Variants in PLA2G4E observed in about 807,000 individuals in gnomAD.
PLA2G4E encodes cytosolic phospholipase A2 epsilon.
Under a neutral mutation model 109.1 loss-of-function variants are expected in PLA2G4E, and 84 were observed. That is an observed-to-expected ratio of 0.77 (90% confidence interval 0.65 to 0.92). PLA2G4E has a LOEUF of 0.92. PLA2G4E is among the 40% of genes least tolerant of loss of function. The pLI, the probability that PLA2G4E is intolerant of heterozygous loss-of-function variation, is 0.00. For missense variants in PLA2G4E, 1,057 were observed against 1,076.6 expected (o/e 0.98, Z 0.25); for synonymous variants, 469 against 436.1 (o/e 1.08, Z -0.94).
chr15:42,005,975 G>A lies in PLA2G4E; in HGVS notation c.525+15C>T, dbSNP rs746939379. 1.1e-5 allele frequency: 18 copies of A among 1,613,098 alleles called. No individual in the cohort carries two copies. Among genetic ancestry groups the A allele is most frequent in the East Asian group, 2.2e-5 (1 of 44,874 alleles). ...TCATGAAGCCGGAGTCTGAGGGCCT[G>A]TACCCTGCACCCACCTGCGGGTTGA... is the stretch of plus-strand genomic sequence containing the variant. On this transcript the variant is annotated intron_variant, in intron 4 of 19. Transcript: ENST00000399518.
intron 1 of PLA2G4E, among the ~76,000 whole-genome samples, chr15:42,035,162 G>T (rs1281905545): frequency 6.6e-6 from 1 of 152,224 alleles, no homozygotes. Context: ...TCCGAATCGT[G>T]GGGGAAGAGA....
chr15:42,004,434 A>C (rs377462240), intron 5 of PLA2G4E, among the ~76,000 whole-genome samples: 1 of 131,718 alleles, frequency 7.6e-6, no homozygotes, highest in Non-Finnish European at 1.7e-5. Context: ...GGCAGGCAAG[A>C]AAGAAGATTG....
intron 1 of PLA2G4E, among the ~76,000 whole-genome samples, chr15:42,027,382 G>T (rs775506505): frequency 6.6e-6 from 1 of 152,330 alleles, no homozygotes; most frequent in Non-Finnish European, 1.5e-5. Flanking sequence ...CCAGGGACCA[G>T]TGAGGATATT....
At chr15:42,050,504 C>G (rs1399659771) in intron 1 of PLA2G4E, 8 of 1,545,774 alleles carry the variant, frequency 5.2e-6, no homozygotes, top group Admixed American at 2.0e-5. Context: ...ACCCCCCTCC[C>G]AGGAACACAG....
At chr15:41,985,767 G>A (rs1196055668) in intron 18 of PLA2G4E, 72 bp downstream of exon 18, 35 of 1,507,138 alleles carry the variant, frequency 2.3e-5, no homozygotes, top group Non-Finnish European at 3.1e-5. Flanking sequence ...CACAGCGAGT[G>A]AGGCCACTGA....
chr15:42,015,619 G>A (rs1259190680), intron 1 of PLA2G4E, among the ~76,000 whole-genome samples: 1 of 152,240 alleles, frequency 6.6e-6, no homozygotes, highest in Admixed American at 6.5e-5. Flanking sequence ...GGGGCCAGGG[G>A]TGAATACTAG....
At chr15:42,000,403 G>T in intron 7 of PLA2G4E, 121 bp from the exon 8 acceptor site, 1 of 930,172 alleles carries the variant, frequency 1.1e-6, no homozygotes, top group Non-Finnish European at 1.6e-6. Flanking sequence ...TGGGGCACCA[G>T]TTCAAATTCC....
At chr15:42,011,935 G>A (rs2068540066) in intron 2 of PLA2G4E, among the ~76,000 whole-genome samples, 1 of 152,206 alleles carries the variant, frequency 6.6e-6, no homozygotes, top group African/African-American at 2.4e-5. Flanking sequence ...ACACTCCCTG[G>A]ATCCTCAAAT....
chr15:41,984,679 C>G (rs925678809), intron 18 of PLA2G4E, 60 bp from the exon 19 acceptor site: 3 of 1,426,820 alleles, frequency 2.1e-6, no homozygotes, highest in African/African-American at 2.8e-5. Context: ...AGGAGAAGCA[C>G]AGAGTTCTTA....
intron 2 of PLA2G4E, among the ~76,000 whole-genome samples, chr15:42,008,668 G>A (rs1402400026): frequency 6.6e-6 from 1 of 152,216 alleles, no homozygotes; most frequent in Non-Finnish European, 1.5e-5. Context: ...GGGATAGGGT[G>A]AAAATAGTAG....
chr15:42,047,673 C>A (rs1889438750), intron 1 of PLA2G4E, among the ~76,000 whole-genome samples: 1 of 152,160 alleles, frequency 6.6e-6, no homozygotes, highest in East Asian at 1.9e-4. Flanking sequence ...CACACATTCC[C>A]CAAGCCTACA....
intron 1 of PLA2G4E, among the ~76,000 whole-genome samples, chr15:42,026,982 A>AAG (rs1555388259): frequency 8.6e-5 from 13 of 151,310 alleles, no homozygotes; most frequent in Middle Eastern, 3.4e-3. Flanking sequence ...CAAAAAAAAA[A>AAG]AAAGAAAGAA....
At chr15:42,021,433 C>T (rs78204883) in intron 1 of PLA2G4E, among the ~76,000 whole-genome samples, 2 of 151,968 alleles carry the variant, frequency 1.3e-5, no homozygotes, top group Admixed American at 6.5e-5. Context: ...ATGCGACCGT[C>T]GCTCCCAACT....
intron 1 of PLA2G4E, among the ~76,000 whole-genome samples, chr15:42,042,425 C>T (rs1889331520): frequency 6.6e-6 from 1 of 152,026 alleles, no homozygotes; most frequent in Non-Finnish European, 1.5e-5. Context: ...ATACTGAATA[C>T]ATATATTATT....
In PLA2G4E at chr15:41,988,066, TCC is replaced by T; in HGVS notation, c.1812_1813del (p.Lys606SerfsTer12). On this transcript the variant is annotated frameshift_variant, in exon 16 of 20. Coordinates refer to ENST00000399518, the Ensembl canonical transcript of PLA2G4E. LOFTEE classifies it high-confidence loss of function. ...TCACCCACCGATGTCCTGCACTTTC[TCC>T]CTTGTCCACCTGTGGAAAAACTCCT... is the stretch of plus-strand genomic sequence containing the variant. The T allele has an allele frequency of 6.2e-7, 1 of 1,605,102 alleles. No homozygotes were observed.
intron 5 of PLA2G4E, 139 bp from the exon 6 acceptor site, chr15:42,002,835 A>G: frequency 1.2e-6 from 1 of 832,882 alleles, no homozygotes; most frequent in Non-Finnish European, 2.0e-6. Flanking sequence ...TAGCTTCGGA[A>G]ACCTTAGCCT....
rs2068559701 is a variant in PLA2G4E, at chr15:42,013,610, A to G, written c.256+75T>C. On this transcript the variant is annotated intron_variant, in intron 2 of 19. Transcript: ENST00000399518. ...GCACACACACACACGGATCCACCTG[A>G]CCATTTCTCCAGCCAGGGCCTCTTC... 2.8e-6 allele frequency: 4 copies of G among 1,410,094 alleles called. No individual in the cohort carries two copies. The Admixed American group carries it at 5.9e-5, about 21-fold the overall frequency. 87.3% of individuals were successfully genotyped at this position (1,410,094 alleles called of 1,614,324 possible). A position where few individuals can be genotyped will look rare whatever the true frequency, so the allele number is the denominator to read the frequency against.
chr15:42,027,632 C>T (rs1377336410), intron 1 of PLA2G4E, among the ~76,000 whole-genome samples: 2 of 152,208 alleles, frequency 1.3e-5, no homozygotes, highest in Admixed American at 6.5e-5. Context: ...CAAGCCTGCC[C>T]CTCACTTCTG....
chr15:42,008,995 C>T (rs1464127252), intron 2 of PLA2G4E: 2 of 152,208 alleles, frequency 1.3e-5, no homozygotes, highest in South Asian at 4.1e-4. Flanking sequence ...GAATCAACAG[C>T]CCTGATCTAA....
Sources: allele counts gnomAD v4.1 joint callset (sites outside exome capture counted in the v4.1 genomes callset), GRCh38; gene constraint gnomAD v4.1.1; transcripts MANE v1.5; gene names NCBI Gene and HGNC (gene_info 2026-07-23, HGNC 2026-07-21).